Variants in GRIK2 observed in about 807,000 individuals in gnomAD.
GRIK2 encodes glutamate ionotropic receptor kainate type subunit 2.
A neutral mutation model predicts 100.3 loss-of-function variants in GRIK2; 32 were observed. The observed-to-expected ratio is 0.32, with a 90% CI of 0.24 to 0.43. The LOEUF is 0.43. Ranked by LOEUF, GRIK2 falls within the 20% of genes least tolerant of loss-of-function variation. The pLI is 1.00. For missense variants in GRIK2, 843 were observed against 1,114.9 expected, an observed-to-expected ratio of 0.76 and a Z score of 3.47; for synonymous variants, 417 against 389.4, an observed-to-expected ratio of 1.07 and a Z score of -0.83.
intron 14 of GRIK2, among the ~76,000 whole-genome samples, chr6:102,035,106 A>T (rs1770194644): frequency 6.6e-6 from 1 of 150,990 alleles, no homozygotes; most frequent in African/African-American, 2.4e-5. Flanking sequence ...TTTTAAAAAT[A>T]TATTTGTTAA....
At chr6:101,539,174 T>A (rs146774029) in intron 2 of GRIK2, among the ~76,000 whole-genome samples, 1 of 151,806 alleles carries the variant, frequency 6.6e-6, no homozygotes, top group East Asian at 1.9e-4. Flanking sequence ...TAAAAGCTTC[T>A]GAAGGCCAGT....
intron 14 of GRIK2, among the ~76,000 whole-genome samples, chr6:101,963,158 T>C (rs1214616498): frequency 1.3e-5 from 2 of 151,436 alleles, no homozygotes; most frequent in Admixed American, 6.6e-5. Context: ...TAATATTTTC[T>C]TGTGTAACAT....
intron 14 of GRIK2, among the ~76,000 whole-genome samples, chr6:101,985,430 T>C (rs1793968501): frequency 6.6e-6 from 1 of 151,762 alleles, no homozygotes; most frequent in Non-Finnish European, 1.5e-5. Context: ...CCTGGTGACA[T>C]TCTGGCTTTT....
intron 4 of GRIK2, among the ~76,000 whole-genome samples, chr6:101,645,271 A>G (rs1001802954): frequency 2.0e-5 from 3 of 151,840 alleles, no homozygotes; most frequent in Non-Finnish European, 4.4e-5. Flanking sequence ...TTAATTCATC[A>G]TGTCAATTAT....
chr6:101,927,358 TC>T, intron 13 of GRIK2: 1 of 598,954 alleles, frequency 1.7e-6, no homozygotes, highest in Non-Finnish European at 2.1e-6. Context: ...TTTGCTTCAT[TC>T]CATTTTACTC....
chr6:101,538,160 C>T (rs1775806102), intron 2 of GRIK2, among the ~76,000 whole-genome samples: 1 of 151,806 alleles, frequency 6.6e-6, no homozygotes, highest in Admixed American at 6.6e-5. Context: ...CTTATATTTG[C>T]AGGACTAGAA....
In GRIK2 at chr6:102,024,925, G is replaced by GAT. The variant is rs532747839; in HGVS notation, c.2086-10403_2086-10402dup. ...TGTATTAAATTATCACATGTGCCAT[G>GAT]ATATATATATATATTATTTATAAAT... On this transcript the variant is annotated intron_variant, in intron 14 of 16. Coordinates refer to ENST00000369134, the MANE Select transcript of GRIK2 (RefSeq NM_021956.5). 3.8e-3 allele frequency among the ~76,000 whole-genome samples: 559 copies of GAT among 146,978 alleles called. 4 individuals carry two copies. The highest frequency in any genetic ancestry group is 6.8e-3 in the South Asian group (32 of 4,710).
chr6:101,495,514 T>C (rs1389064951), intron 2 of GRIK2, among the ~76,000 whole-genome samples: 1 of 151,114 alleles, frequency 6.6e-6, no homozygotes, highest in African/African-American at 2.4e-5. Flanking sequence ...TCAAAATAAG[T>C]AAATAAATAA....
At chr6:101,886,576 C>G (rs1452943735) in intron 11 of GRIK2, among the ~76,000 whole-genome samples, 1 of 151,272 alleles carries the variant, frequency 6.6e-6, no homozygotes, top group Admixed American at 6.6e-5. Flanking sequence ...TAGCTGTGTT[C>G]TTTTAATATG....
intron 2 of GRIK2, among the ~76,000 whole-genome samples, chr6:101,462,173 A>G (rs1396854852): frequency 6.6e-6 from 1 of 152,206 alleles, no homozygotes; most frequent in African/African-American, 2.4e-5. Context: ...CTAACACTGT[A>G]TAAGAGTTAT....
intron 2 of GRIK2, among the ~76,000 whole-genome samples, chr6:101,575,681 GTTTTTA>G (rs904323958): frequency 2.0e-5 from 3 of 151,870 alleles, no homozygotes; most frequent in African/African-American, 4.8e-5. Context: ...TGGTAATTTT[GTTTTTA>G]TTTTTATGAA....
chr6:101,986,232 T>A (rs914269235), intron 14 of GRIK2, among the ~76,000 whole-genome samples: 3 of 151,914 alleles, frequency 2.0e-5, no homozygotes, highest in Non-Finnish European at 4.4e-5. Flanking sequence ...TGTAGACTTA[T>A]TTTTTATTTC....
intron 15 of GRIK2, among the ~76,000 whole-genome samples, chr6:102,052,653 A>T (rs1012214196): frequency 6.6e-6 from 1 of 152,220 alleles, no homozygotes; most frequent in African/African-American, 2.4e-5. Flanking sequence ...ATAATATTAT[A>T]TTCTTTCAAT....
At chr6:101,934,334 T>C (rs1252816905) in intron 14 of GRIK2, among the ~76,000 whole-genome samples, 2 of 151,894 alleles carry the variant, frequency 1.3e-5, no homozygotes, top group Non-Finnish European at 2.9e-5. Context: ...CTAAAACATT[T>C]GCCTTACAGC....
At chr6:101,907,376 C>A (rs890970359) in intron 12 of GRIK2, among the ~76,000 whole-genome samples, 3 of 77,104 alleles carry the variant, frequency 3.9e-5, no homozygotes, top group African/African-American at 1.4e-4. Context: ...TTCTAGGCCC[C>A]TGTCTGATTT....
intron 2 of GRIK2, among the ~76,000 whole-genome samples, chr6:101,501,343 T>G (rs1449343278): frequency 6.6e-6 from 1 of 152,222 alleles, no homozygotes; most frequent in African/African-American, 2.4e-5. Flanking sequence ...ACTATGTTAT[T>G]AATAAAAATT....
intron 15 of GRIK2, among the ~76,000 whole-genome samples, chr6:102,044,794 G>A (rs1770794891): frequency 6.6e-6 from 1 of 151,850 alleles, no homozygotes; most frequent in Admixed American, 6.6e-5. Flanking sequence ...CCTTCTGCCT[G>A]AGTTTACCTT....
intron 2 of GRIK2, among the ~76,000 whole-genome samples, chr6:101,533,622 T>C (rs1183309758): frequency 2.6e-5 from 4 of 151,870 alleles, no homozygotes; most frequent in Non-Finnish European, 5.9e-5. Flanking sequence ...TCTTTTGATG[T>C]AGCTGAGATG....
chr6:101,648,495 C>G (rs140469313), intron 4 of GRIK2, among the ~76,000 whole-genome samples: 1 of 152,006 alleles, frequency 6.6e-6, no homozygotes, highest in African/African-American at 2.4e-5. Context: ...AATATTTTTC[C>G]TAAGTTATCA....
Sources: allele counts gnomAD v4.1 joint callset (sites outside exome capture counted in the v4.1 genomes callset), GRCh38; gene constraint gnomAD v4.1.1; transcripts MANE v1.5; gene names NCBI Gene and HGNC (gene_info 2026-07-23, HGNC 2026-07-21).